The following GGA1 variants were observed in gnomAD, a reference collection of about 807,000 sequenced individuals.
GGA1 encodes the protein golgi associated, gamma adaptin ear containing, ARF binding protein 1.
GGA1 carries 18 observed loss-of-function variants against 76.9 expected under a neutral mutation model. The observed-to-expected ratio is 0.23, with a 90% CI of 0.16 to 0.35. The LOEUF (loss-of-function observed/expected upper bound fraction) is 0.35, where lower values mean the gene tolerates loss of function less well. Ranked by LOEUF, GGA1 falls within the 10% of genes least tolerant of loss-of-function variation. GGA1 has a pLI of 1.00. For synonymous variants in GGA1, 342 were observed against 354.7 expected, an observed-to-expected ratio of 0.96 and a Z score of 0.40; for missense variants, 755 against 859.0, an observed-to-expected ratio of 0.88 and a Z score of 1.51.
intron 11 of GGA1, 29 bp from the exon 12 acceptor site, chr22:37,629,433 C>G (rs757466558): frequency 1.3e-6 from 2 of 1,553,214 alleles, no homozygotes; most frequent in Non-Finnish European, 1.8e-6. Context: ...CAGCCCAGCT[C>G]CTTCACCTCT....
chr22:37,621,662 C>A lies in GGA1; in HGVS notation c.575C>A (p.Ala192Glu). ...AGCTCCCATCCCGAAGACCTCCGCGCAGCCAATAAGCTCATCAAAGAGATG... is the reference window on the plus strand; with the variant it reads ...AGCTCCCATCCCGAAGACCTCCGCGAAGCCAATAAGCTCATCAAAGAGATG... The part of the protein sequence containing the change: ...LKSSHPEDLR[A>E]ANKLIKEMVQ... The change falls in exon 7 of 17, where the codon GCA (alanine) becomes GAA (glutamate). Residue 192 changes from alanine (A) to glutamate (E), a missense_variant. Physicochemically the swap from Ala to Glu is moderately radical, Grantham distance 107 (BLOSUM62 -1). Transcript: ENST00000343632. The A allele has an allele frequency of 6.4e-7, 1 of 1,555,822 alleles. No individual in the cohort carries two copies. Among genetic ancestry groups the A allele is most frequent in the Non-Finnish European group, 8.7e-7 (1 of 1,149,030 alleles).
rs1284271187 is a variant in GGA1 at position 37,614,922 on chromosome 22, T to A, written c.128+648T>A. Reference sequence around the variant, plus strand: ...TGAACCCAAGAGACAGAGATTGTAATGAGCCGAGATTGCGCCACTGCCCTG... The same window carrying A: ...TGAACCCAAGAGACAGAGATTGTAAAGAGCCGAGATTGCGCCACTGCCCTG... On this transcript the variant is annotated intron_variant, in intron 2 of 16. Coordinates refer to ENST00000343632, the MANE Select transcript of GGA1 (RefSeq NM_013365.5). Among the ~76,000 whole-genome samples the A allele has an allele frequency of 6.6e-5, 10 of 151,994 alleles. No homozygotes were observed. The East Asian group carries it at 1.8e-3, about 27-fold the overall frequency.
intron 1 of GGA1, among the ~76,000 whole-genome samples, chr22:37,609,794 C>T (rs1339519997): frequency 6.6e-6 from 1 of 152,184 alleles, no homozygotes; most frequent in African/African-American, 2.4e-5. Context: ...TCTCCCAAGG[C>T]TTTAACTGCT....
At chr22:37,618,621 A>T in intron 4 of GGA1, 75 bp downstream of exon 4, 1 of 914,420 alleles carries the variant, frequency 1.1e-6, no homozygotes. Flanking sequence ...CAGATTGTGG[A>T]GCGACTTTTC....
At chr22:37,609,495 C>G (rs1017192285) in intron 1 of GGA1, 3 of 180,152 alleles carry the variant, frequency 1.7e-5, no homozygotes, top group African/African-American at 7.2e-5. Context: ...GTCTTAGACT[C>G]CAGAAGTATT....
Position 37,623,687 on chromosome 22 carries a change from GC to G in GGA1, c.832+59del. The G allele has an allele frequency of 3.3e-6, 4 of 1,205,150 alleles. No homozygotes were observed. The highest frequency in any genetic ancestry group is 4.1e-5 in the Admixed American group (2 of 48,540). The allele number at this position is 1,205,150 out of a possible 1,614,324, so 74.7% of individuals were successfully genotyped here. On this transcript the variant is annotated intron_variant, in intron 9 of 16. Coordinates refer to ENST00000343632, the MANE Select transcript of GGA1 (RefSeq NM_013365.5). The surrounding 1 kb of genome is among the most constrained non-coding windows in gnomAD (Gnocchi z 4.6). ...GTCCCCCCCTCTCCCTCCACCTCCT[GC>G]CCCCACCTCCCCCAGGCCCTGCTAA...
In GGA1 at chr22:37,632,076, C is replaced by A. The variant is rs765521088; in HGVS notation, c.1609C>A (p.Arg537Ser). ...FHFARDPLPG[R>S]SDVLVVVVSM... ...TTTTGCCCGGGACCCACTGCCAGGG[C>A]GCTCCGACGTGCTGGTGGTGGTGGT... The change falls in exon 15 of 17, where the codon CGC (arginine) becomes AGC (serine). Residue 537 changes from arginine to serine, a missense_variant. Coordinates refer to ENST00000343632, the MANE Select transcript of GGA1 (RefSeq NM_013365.5). The surrounding 1 kb of genome is among the most constrained non-coding windows in gnomAD (Gnocchi z 5.1). The A allele has an allele frequency of 6.2e-7, 1 of 1,613,642 alleles. No individual in the cohort carries two copies. The highest frequency in any genetic ancestry group is 1.7e-5 in the Admixed American group (1 of 59,996).
chr22:37,625,141 G>A lies in GGA1; in HGVS notation c.940+65G>A. 7.2e-7 allele frequency: 1 copy of A among 1,386,808 alleles called. No homozygotes were observed. The highest frequency in any genetic ancestry group is 1.0e-6 in the Non-Finnish European group (1 of 1,000,348). The allele number at this position is 1,386,808 out of a possible 1,614,324, so 85.9% of individuals were successfully genotyped here. The stretch of plus-strand genomic sequence containing the variant: ...GCTGGAGGGGCACAGAGAGTGCAGG[G>A]TGGTGTGCTGGTCTCAGAGCGGCTG... On this transcript the variant is annotated intron_variant, in intron 10 of 16. Transcript: ENST00000343632. This position sits in a 1 kb window ranked among gnomAD's most constrained non-coding sequence, Gnocchi z 4.1.
intron 1 of GGA1, among the ~76,000 whole-genome samples, chr22:37,612,129 C>T (rs925873384): frequency 3.3e-5 from 5 of 151,506 alleles, no homozygotes; most frequent in Admixed American, 2.0e-4. Flanking sequence ...GCACTCCAGC[C>T]TGGGCAACAA....
chr22:37,628,748 T>C (rs1931281696), intron 11 of GGA1, among the ~76,000 whole-genome samples: 1 of 152,222 alleles, frequency 6.6e-6, no homozygotes, highest in African/African-American at 2.4e-5. Flanking sequence ...TGGACCTCAC[T>C]TTTTCAGGAT....
intron 5 of GGA1, 45 bp downstream of exon 5, chr22:37,620,406 C>T (rs763821101): frequency 6.2e-7 from 1 of 1,608,654 alleles, no homozygotes; most frequent in Non-Finnish European, 8.5e-7. Flanking sequence ...CTGCCTTCCC[C>T]TCCCCCACCA....
intron 4 of GGA1, among the ~76,000 whole-genome samples, chr22:37,619,281 G>A (rs1210281810): frequency 6.6e-6 from 1 of 151,990 alleles, no homozygotes; most frequent in Admixed American, 6.6e-5. Flanking sequence ...TGGCCAGGCT[G>A]GTCTTGAACT....
rs1930198816 is a variant in GGA1, at chr22:37,623,224, C to T, written c.610-103C>T. ...CCCAGAGTGTGATCCCACAGTCACCCAGCTGTCAACCCAGATCCCAGCACA... is the reference window on the plus strand; with the variant it reads ...CCCAGAGTGTGATCCCACAGTCACCTAGCTGTCAACCCAGATCCCAGCACA... On this transcript the variant is annotated intron_variant, in intron 7 of 16. Transcript: ENST00000343632. The surrounding 1 kb of genome is among the most constrained non-coding windows in gnomAD (Gnocchi z 4.6). 8 of 1,126,222 alleles carry T rather than the reference C, an allele frequency of 7.1e-6. No homozygotes were observed. In the South Asian group the frequency reaches 1.0e-4, roughly 15 times the overall value. 69.8% of individuals were successfully genotyped at this position (1,126,222 alleles called of 1,614,324 possible).
chr22:37,614,894 G>T (rs1353723541), intron 2 of GGA1, among the ~76,000 whole-genome samples: 1 of 152,112 alleles, frequency 6.6e-6, no homozygotes, highest in Non-Finnish European at 1.5e-5. Flanking sequence ...CAGGAGAATT[G>T]CTTGAACCCA....
chr22:37,619,755 G>C (rs150071212), intron 4 of GGA1: 5 of 776,708 alleles, frequency 6.4e-6, no homozygotes, highest in Non-Finnish European at 1.2e-5. Context: ...CCTTTGACCA[G>C]AGCTACTGAA....
chr22:37,629,873 C>T lies in GGA1; in HGVS notation c.1159-125C>T, dbSNP rs1931480938. 2.6e-5 allele frequency: 19 copies of T among 729,696 alleles called. No homozygotes were observed. In the South Asian group the frequency reaches 3.1e-4, roughly 12 times the overall value. The allele number at this position is 729,696 out of a possible 1,614,324, so 45.2% of individuals were successfully genotyped here. On this transcript the variant is annotated intron_variant, in intron 12 of 16. Transcript: ENST00000343632. Reference sequence around the variant, plus strand: ...ATCATGGACATGGGTGGTCTGGGGTCCCCACCTCTGTGGCTGCTTTCCCAG... The same window carrying T: ...ATCATGGACATGGGTGGTCTGGGGTTCCCACCTCTGTGGCTGCTTTCCCAG...
At chr22:37,627,924 T>A (rs1194844765) in intron 11 of GGA1, among the ~76,000 whole-genome samples, 1 of 152,238 alleles carries the variant, frequency 6.6e-6, no homozygotes, top group Non-Finnish European at 1.5e-5. Context: ...CTCCCCCGTC[T>A]CAAGTGATCC....
chr22:37,612,772 C>CAA (rs760463178), intron 1 of GGA1: 236 of 249,164 alleles, frequency 9.5e-4, no homozygotes, highest in Non-Finnish European at 1.2e-3. Flanking sequence ...AGACTCGTCT[C>CAA]AAAAAAAAAA....
chr22:37,631,869 C>G (rs1601565181), intron 14 of GGA1, 127 bp from the exon 15 acceptor site: 1 of 744,174 alleles, frequency 1.3e-6, no homozygotes, highest in South Asian at 1.8e-5. Flanking sequence ...GGTAAGGCCC[C>G]AAAGGAGGAC....
Sources: allele counts gnomAD v4.1 joint callset (sites outside exome capture counted in the v4.1 genomes callset), GRCh38; gene constraint gnomAD v4.1.1; non-coding constraint Gnocchi (gnomAD v3.1); transcripts MANE v1.5; gene names NCBI Gene and HGNC (gene_info 2026-07-23, HGNC 2026-07-21).